The following PCDHA8 variants were observed in gnomAD, a reference collection of about 807,000 sequenced individuals.
PCDHA8 encodes the protein protocadherin alpha-8.
In PCDHA8, 53 loss-of-function variants were observed where a neutral mutation model predicts 61.8. That is an observed-to-expected ratio of 0.86 (90% confidence interval 0.69 to 1.08). The LOEUF (loss-of-function observed/expected upper bound fraction) is 1.08. Ranked by LOEUF, PCDHA8 falls within the 50% of genes least tolerant of loss-of-function variation. The probability of loss-of-function intolerance (pLI) is 0.00; values close to 1 mark genes in which losing one functional copy is unlikely to be tolerated. For missense variants in PCDHA8, 1,293 were observed against 1,245.0 expected, an observed-to-expected ratio of 1.04 and a Z score of -0.58; for synonymous variants, 618 against 556.6, an observed-to-expected ratio of 1.11 and a Z score of -1.55.
At chr5:140,862,678 C>T (rs1490436756) in intron 1 of PCDHA8, 1 of 550,784 alleles carries the variant, frequency 1.8e-6, no homozygotes, top group Non-Finnish European at 3.6e-6. Context: ...GGAGAACGTG[C>T]TGGTGTCCTA....
intron 3 of PCDHA8, among the ~76,000 whole-genome samples, chr5:140,986,945 C>G (rs1295830111): frequency 1.3e-5 from 2 of 151,946 alleles, no homozygotes; most frequent in Non-Finnish European, 2.9e-5. Context: ...TGGGTGTGGT[C>G]GCTCATGCCT....
chr5:140,941,245 TTCTTTCTTTCTC>T (rs2092955664), intron 1 of PCDHA8, among the ~76,000 whole-genome samples: 1 of 140,868 alleles, frequency 7.1e-6, no homozygotes, highest in African/African-American at 2.6e-5. Flanking sequence ...CTTTCTTTCT[TTCTTTCTTTCTC>T]TTTCTTTCTT....
At position 140,843,576 on chromosome 5, in the gene PCDHA8, A is replaced by G; in HGVS notation, c.2255A>G (p.Gln752Arg). The G allele has an allele frequency of 1.9e-6, 3 of 1,595,922 alleles. 1 individual carries two copies. Among genetic ancestry groups the G allele is most frequent in the Non-Finnish European group, 2.6e-6 (3 of 1,165,492 alleles). Residue 752 changes from glutamine to arginine, a missense_variant, in exon 1 of 4, where the codon CAA becomes CGA. Coordinates refer to ENST00000531613, the MANE Select transcript of PCDHA8 (RefSeq NM_018911.3). ...SSAVGSWSYS[Q>R]QQPQRVCSGE... Reference sequence around the variant, plus strand: ...GCGGTGGGGAGCTGGTCATACTCGCAACAACAGCCGCAGAGGGTGTGCTCT... The same window carrying G: ...GCGGTGGGGAGCTGGTCATACTCGCGACAACAGCCGCAGAGGGTGTGCTCT...
intron 3 of PCDHA8, among the ~76,000 whole-genome samples, chr5:140,985,957 T>A (rs2097180705): frequency 6.6e-6 from 1 of 152,084 alleles, no homozygotes. Context: ...GCCAGGATGG[T>A]CTCAATCTCC....
At chr5:140,942,445 A>G (rs1323056710) in intron 1 of PCDHA8, among the ~76,000 whole-genome samples, 5 of 152,016 alleles carry the variant, frequency 3.3e-5, no homozygotes, top group Non-Finnish European at 7.4e-5. Context: ...AAACAAGTAA[A>G]CTATCAATTA....
At chr5:140,857,289 G>C in intron 1 of PCDHA8, 2 of 1,598,692 alleles carry the variant, frequency 1.3e-6, no homozygotes, top group African/African-American at 1.3e-5. Flanking sequence ...GCTCTGGACC[G>C]CGAGAGGGTG....
intron 1 of PCDHA8, chr5:140,927,270 C>A (rs541200655): frequency 1.2e-6 from 2 of 1,614,034 alleles, no homozygotes; most frequent in Non-Finnish European, 1.7e-6. Context: ...TCTTTCCTGC[C>A]GGCGACGTGC....
At position 140,900,792 on chromosome 5, in the gene PCDHA8, C is replaced by T. The variant is rs373914544; in HGVS notation, c.2394+57077C>T. On this transcript the variant is annotated intron_variant, in intron 1 of 3. Transcript: ENST00000531613. ...CTTTTTGAGGAAACTCCAAACTGTT[C>T]TCCATAGTGCTTGTACTAATTTACA... 1.1e-4 allele frequency among the ~76,000 whole-genome samples: 16 copies of T among 152,298 alleles called. No individual in the cohort carries two copies. The South Asian group carries it at 1.5e-3, about 14-fold the overall frequency.
intron 1 of PCDHA8, among the ~76,000 whole-genome samples, chr5:140,949,300 G>T (rs1373100269): frequency 1.3e-5 from 2 of 151,534 alleles, no homozygotes; most frequent in Non-Finnish European, 1.5e-5. Flanking sequence ...GTAATTGTTG[G>T]GTGTAATGAT....
chr5:140,898,560 G>T lies in PCDHA8; in HGVS notation c.2394+54845G>T, dbSNP rs185604146. On this transcript the variant is annotated intron_variant, in intron 1 of 3. Coordinates refer to ENST00000531613, the MANE Select transcript of PCDHA8 (RefSeq NM_018911.3). ...TTCCATTTATCTATGTCTCTGTTTT[G>T]GTACCAGTGCCATGCTGTTTTGGTT... Among the ~76,000 whole-genome samples the T allele has an allele frequency of 5.1e-3, 775 of 152,210 alleles. 4 individuals carry two copies. The highest frequency in any genetic ancestry group is 8.5e-3 in the Non-Finnish European group (578 of 68,016).
Position 140,890,095 on chromosome 5 carries a change from C to T in PCDHA8, c.2394+46380C>T, listed in dbSNP as rs1237299507. On this transcript the variant is annotated intron_variant, in intron 1 of 3. Coordinates refer to ENST00000531613, the MANE Select transcript of PCDHA8 (RefSeq NM_018911.3). ...TGAGAACTGATAATGCAAATTTATT[C>T]CCAACTCTGGATTCAATGATGTCAC... Among the ~76,000 whole-genome samples the T allele has an allele frequency of 2.6e-5, 4 of 152,128 alleles. 1 individual carries two copies. The highest frequency in any genetic ancestry group is 1.3e-4 in the Admixed American group (2 of 15,262).
At chr5:140,916,186 G>A (rs1321442931) in intron 1 of PCDHA8, among the ~76,000 whole-genome samples, 3 of 152,160 alleles carry the variant, frequency 2.0e-5, no homozygotes, top group Admixed American at 6.5e-5. Flanking sequence ...CTTCAAGGAA[G>A]TGGGCACCCC....
chr5:140,889,103 T>C (rs1554183781), intron 1 of PCDHA8, among the ~76,000 whole-genome samples: 2 of 151,990 alleles, frequency 1.3e-5, no homozygotes. Flanking sequence ...TTTTTTCATC[T>C]TTATTCCAGG....
chr5:140,884,466 C>T (rs1212644572), intron 1 of PCDHA8: 3 of 1,613,764 alleles, frequency 1.9e-6, no homozygotes, highest in Non-Finnish European at 2.5e-6. Context: ...GGCGCGTGCG[C>T]GCCGGGCAAG....
intron 1 of PCDHA8, among the ~76,000 whole-genome samples, chr5:140,921,475 A>G (rs1323812887): frequency 6.6e-6 from 1 of 152,074 alleles, no homozygotes; most frequent in Non-Finnish European, 1.5e-5. Context: ...CTACCAAACC[A>G]CTCTACCTGA....
intron 1 of PCDHA8, among the ~76,000 whole-genome samples, chr5:140,910,654 C>T (rs961570287): frequency 1.3e-5 from 2 of 152,218 alleles, no homozygotes; most frequent in African/African-American, 2.4e-5. Flanking sequence ...TTGATCCCTT[C>T]CTCTACATTA....
chr5:140,842,553 G>A lies in PCDHA8; in HGVS notation c.1232G>A (p.Ser411Asn), dbSNP rs144906391. The A allele has an allele frequency of 1.7e-5, 24 of 1,453,612 alleles. No individual in the cohort carries two copies. 90.0% of individuals were successfully genotyped at this position (1,453,612 alleles called of 1,614,324 possible). A position where few individuals can be genotyped will look rare whatever the true frequency, so the allele number is the denominator to read the frequency against. The change falls in exon 1 of 4, where the codon AGC becomes AAC. Residue 411 changes from serine to asparagine, a missense_variant. Coordinates refer to ENST00000531613, the MANE Select transcript of PCDHA8 (RefSeq NM_018911.3). Reference protein sequence around the residue: ...FKNYYSLVLDSALDRERVSAY... With the variant: ...FKNYYSLVLDNALDRERVSAY... ...AATTACTACTCGTTGGTGCTGGACA[G>A]CGCCCTGGACCGCGAGAGAGTGTCG... is the stretch of plus-strand genomic sequence containing the variant.
chr5:140,843,123 C>T lies in PCDHA8; in HGVS notation c.1802C>T (p.Ser601Leu), dbSNP rs2150353254. ...VAKVRAVDAD[S>L]GYNAWLSYEL... ...AAGGTGCGCGCAGTGGACGCCGACT[C>T]GGGCTACAACGCGTGGCTTTCGTAT... The change falls in exon 1 of 4, where the codon TCG (serine) becomes TTG (leucine). Residue 601 changes from serine to leucine, a missense_variant. Transcript: ENST00000531613. 18 of 1,595,788 alleles carry T rather than the reference C, an allele frequency of 1.1e-5. No homozygotes were observed. The East Asian group carries it at 3.6e-4, about 32-fold the overall frequency.
At chr5:140,882,108 A>T in intron 1 of PCDHA8, 4 of 1,370,912 alleles carry the variant, frequency 2.9e-6, no homozygotes, top group Non-Finnish European at 3.9e-6. Context: ...TCCGCGAAGA[A>T]AGCCGCCGTT....
Sources: allele counts gnomAD v4.1 joint callset (sites outside exome capture counted in the v4.1 genomes callset), GRCh38; gene constraint gnomAD v4.1.1; transcripts MANE v1.5; gene names NCBI Gene and HGNC (gene_info 2026-07-23, HGNC 2026-07-21).